Variants in SYNRG observed in about 807,000 individuals in gnomAD.
SYNRG encodes the protein AP1 gamma subunit binding protein 1.
In SYNRG, 37 loss-of-function variants were observed where a neutral mutation model predicts 130.9. The observed-to-expected ratio is 0.28, with a 90% CI of 0.22 to 0.37. The LOEUF is 0.37. SYNRG is among the 10% of genes least tolerant of loss of function. The pLI is 1.00. For missense variants in SYNRG, 1,338 were observed against 1,588.9 expected, an observed-to-expected ratio of 0.84 and a Z score of 2.68; for synonymous variants, 539 against 568.1, an observed-to-expected ratio of 0.95 and a Z score of 0.73.
At chr17:37,562,911 T>C (rs1472471654) in intron 11 of SYNRG, among the ~76,000 whole-genome samples, 3 of 152,234 alleles carry the variant, frequency 2.0e-5, no homozygotes, top group Non-Finnish European at 4.4e-5. Context: ...CTACGGTCTT[T>C]TAAGGCTCAA....
In SYNRG at chr17:37,553,808, T is replaced by A. The variant is rs1322867398; in HGVS notation, c.1915A>T (p.Thr639Ser). The part of the protein sequence containing the change: ...KPLSFSAVFS[T>S]SKSVSTPQST... ...TGTGGTGTAGAAACTGATTTTGATGTGCTAAACACAGCTGAAAAAGACAAT... is the reference window on the plus strand; with the variant it reads ...TGTGGTGTAGAAACTGATTTTGATGAGCTAAACACAGCTGAAAAAGACAAT... The change falls in exon 14 of 22, where the codon ACA becomes TCA. Residue 639 changes from threonine (T) to serine (S), a missense_variant. Thr to Ser is a moderately conservative substitution (Grantham distance 58). Around this residue, in one of 3 missense-constraint regions of SYNRG, gnomAD observed 1,146 missense variants for 1,342.3 expected, o/e 0.85. Coordinates refer to ENST00000612223, the MANE Select transcript of SYNRG (RefSeq NM_007247.6). 1 of 1,613,270 alleles carries A rather than the reference T, an allele frequency of 6.2e-7. No individual in the cohort carries two copies. Among genetic ancestry groups the A allele is most frequent in the Admixed American group, 1.7e-5 (1 of 59,660 alleles).
intron 4 of SYNRG, among the ~76,000 whole-genome samples, chr17:37,586,049 C>T (rs1236708342): frequency 1.3e-5 from 2 of 152,104 alleles, no homozygotes; most frequent in South Asian, 2.1e-4. Context: ...GCTGGAGTAC[C>T]GTGGCATGAT....
At position 37,577,447 on chromosome 17, in the gene SYNRG, A is replaced by AT; in HGVS notation, c.755_756insA (p.Cys252Ter). The change falls in exon 7 of 22, where the codon TGT becomes TGAT. Residue 252 changes from cysteine (C) to a stop codon, truncating the protein, a stop_gained and frameshift_variant. Coordinates refer to ENST00000612223, the MANE Select transcript of SYNRG (RefSeq NM_007247.6). LOFTEE classifies it high-confidence loss of function. Reference protein sequence around the residue: ...MASNGVAVDGCVSGTTTAEAE... With the variant: ...MASNGVAVDG ...CCTCTGCAGTGGTGGTACCACTTAC[A>AT]CATCCATCTACAGCAACCCCGTTAC... The AT allele has an allele frequency of 6.2e-7, 1 of 1,614,184 alleles. No homozygotes were observed. The highest frequency in any genetic ancestry group is 8.5e-7 in the Non-Finnish European group (1 of 1,180,034).
chr17:37,562,184 G>C (rs1188869806), intron 11 of SYNRG, among the ~76,000 whole-genome samples: 1 of 152,198 alleles, frequency 6.6e-6, no homozygotes, highest in African/African-American at 2.4e-5. Context: ...AGCTGCCATA[G>C]AGTTAATACA....
In SYNRG at chr17:37,600,562, T is replaced by C. The variant is rs542689471; in HGVS notation, c.78-159A>G. On this transcript the variant is annotated intron_variant, in intron 1 of 21. Coordinates refer to ENST00000612223, the MANE Select transcript of SYNRG (RefSeq NM_007247.6). The stretch of plus-strand genomic sequence containing the variant: ...CCAACATCAGTACACTGAGCATCCA[T>C]AGGATGCATGTCAGCATGCTACTGC... 79 of 760,764 alleles carry C rather than the reference T, an allele frequency of 1.0e-4. No homozygotes were observed. The Middle Eastern group carries it at 1.1e-3, about 11-fold the overall frequency. The allele number at this position is 760,764 out of a possible 1,614,324, so 47.1% of individuals were successfully genotyped here. A position where few individuals can be genotyped will look rare whatever the true frequency, so the allele number is the denominator to read the frequency against.
rs1442837673 is a variant in SYNRG at position 37,542,272 on chromosome 17, T to C, written c.2902A>G (p.Lys968Glu). 1 of 1,614,112 alleles carries C rather than the reference T, an allele frequency of 6.2e-7. No homozygotes were observed. Among genetic ancestry groups the C allele is most frequent in the Non-Finnish European group, 8.5e-7 (1 of 1,180,050 alleles). Residue 968 changes from lysine (K) to glutamate (E), a missense_variant, in exon 15 of 22, where the codon AAA (lysine) becomes GAA (glutamate). Physicochemically the swap from Lys to Glu is moderately conservative, Grantham distance 56. This residue lies in a region of SYNRG where 1,146 missense variants were observed against 1,342.3 expected (regional missense o/e 0.85). Transcript: ENST00000612223. Reference sequence around the variant, plus strand: ...TCACTGGTCTGAGGAATCGTGTCTTTAAAACTGGCAAGAGCTGGGAAGGTG... The same window carrying C: ...TCACTGGTCTGAGGAATCGTGTCTTCAAAACTGGCAAGAGCTGGGAAGGTG... ...ETTFPALASF[K>E]DTIPQTSEQK...
chr17:37,548,973 T>C (rs1476754039), intron 14 of SYNRG, among the ~76,000 whole-genome samples: 1 of 150,770 alleles, frequency 6.6e-6, no homozygotes, highest in Non-Finnish European at 1.5e-5. Flanking sequence ...CCATCTCTAT[T>C]AAAAATACAA....
intron 3 of SYNRG, among the ~76,000 whole-genome samples, chr17:37,595,092 A>C (rs2062637680): frequency 6.6e-6 from 1 of 152,230 alleles, no homozygotes; most frequent in South Asian, 2.1e-4. Context: ...AGCACACCCT[A>C]GTGAAAGCTA....
intron 14 of SYNRG, among the ~76,000 whole-genome samples, chr17:37,548,992 G>A (rs1223051412): frequency 2.0e-5 from 3 of 151,860 alleles, no homozygotes; most frequent in African/African-American, 7.3e-5. Flanking sequence ...AAAATTAGCT[G>A]GGTGTGTTGG....
intron 19 of SYNRG, among the ~76,000 whole-genome samples, chr17:37,524,627 G>C (rs368357097): frequency 1.9e-4 from 29 of 150,358 alleles, no homozygotes; most frequent in African/African-American, 7.3e-4. Context: ...GGTCACTCTG[G>C]TCAAATGTGG....
At chr17:37,557,877 G>T (rs932110439) in intron 13 of SYNRG, among the ~76,000 whole-genome samples, 1 of 152,098 alleles carries the variant, frequency 6.6e-6, no homozygotes, top group African/African-American at 2.4e-5. Context: ...GAAAAGGCAG[G>T]ACTAAGGTAC....
At chr17:37,546,067 CCT>C (rs1249913682) in intron 14 of SYNRG, among the ~76,000 whole-genome samples, 3 of 152,096 alleles carry the variant, frequency 2.0e-5, no homozygotes, top group South Asian at 2.1e-4. Flanking sequence ...CTTCATTTCC[CCT>C]GTTAATAGTT....
At position 37,530,556 on chromosome 17, in the gene SYNRG, A is replaced by C. The variant is rs1171519149; in HGVS notation, c.3666+5423T>G. Among the ~76,000 whole-genome samples the C allele has an allele frequency of 1.2e-4, 19 of 152,230 alleles. 1 individual carries two copies. On this transcript the variant is annotated intron_variant, in intron 19 of 21. Coordinates refer to ENST00000612223, the MANE Select transcript of SYNRG (RefSeq NM_007247.6). ...CTCTGATCCAGAGGATAATGAACTG[A>C]ATTCCAGAAGCTCAAAGAAAATTGG... is the stretch of plus-strand genomic sequence containing the variant.
intron 6 of SYNRG, among the ~76,000 whole-genome samples, chr17:37,583,168 T>G (rs1291657710): frequency 3.9e-5 from 6 of 152,082 alleles, no homozygotes; most frequent in Admixed American, 3.9e-4. Context: ...TTTTTTGTAT[T>G]TTTAGTAGAG....
At position 37,570,893 on chromosome 17, in the gene SYNRG, T is replaced by C. The variant is rs748536730; in HGVS notation, c.1099-8A>G. 2.5e-6 allele frequency: 4 copies of C among 1,608,230 alleles called. No individual in the cohort carries two copies. The highest frequency in any genetic ancestry group is 2.2e-5 in the South Asian group (2 of 90,460). On this transcript the variant is annotated splice_polypyrimidine_tract_variant and splice_region_variant and intron_variant, in intron 9 of 21. Coordinates refer to ENST00000612223, the MANE Select transcript of SYNRG (RefSeq NM_007247.6). Reference sequence around the variant, plus strand: ...CATTGCAGGAACGCCCCTCTACAAATGATAGAAAGAAAATGGATTAGAGGA... The same window carrying C: ...CATTGCAGGAACGCCCCTCTACAAACGATAGAAAGAAAATGGATTAGAGGA...
intron 14 of SYNRG, among the ~76,000 whole-genome samples, chr17:37,550,309 T>C (rs765187083): frequency 2.6e-5 from 4 of 152,174 alleles, no homozygotes; most frequent in Non-Finnish European, 5.9e-5. Context: ...TGTTAAAAAC[T>C]TACATTAATG....
At chr17:37,530,558 T>C (rs144289910) in intron 19 of SYNRG, among the ~76,000 whole-genome samples, 2 of 152,354 alleles carry the variant, frequency 1.3e-5, no homozygotes, top group Non-Finnish European at 2.9e-5. Context: ...ATGAACTGAA[T>C]TCCAGAAGCT....
At position 37,556,446 on chromosome 17, in the gene SYNRG, C is replaced by T. The variant is rs944824404; in HGVS notation, c.1664-2387G>A. Among the ~76,000 whole-genome samples the T allele has an allele frequency of 2.7e-5, 4 of 148,026 alleles. No homozygotes were observed. The South Asian group carries it at 6.5e-4, about 24-fold the overall frequency. On this transcript the variant is annotated intron_variant, in intron 13 of 21. Coordinates refer to ENST00000612223, the MANE Select transcript of SYNRG (RefSeq NM_007247.6). ...AGCCTGGGCAACAAGAGCAAAACTC[C>T]GTATCAAAATAAATAAATAAATAAA...
intron 19 of SYNRG, among the ~76,000 whole-genome samples, chr17:37,528,635 G>A (rs988745120): frequency 3.9e-5 from 6 of 152,232 alleles, no homozygotes; most frequent in East Asian, 1.9e-4. Flanking sequence ...CACTTTGAGC[G>A]TCTAATCCAG....
Sources: gnomAD v4.1 joint callset for allele counts (sites outside exome capture counted in the v4.1 genomes callset) on GRCh38, gnomAD v4.1.1 for gene constraint, gnomAD v4.1.1 regional missense constraint, MANE v1.5 for transcripts, NCBI Gene and HGNC (gene_info 2026-07-23, HGNC 2026-07-21) for gene names.